Variants in AMD1 observed in about 807,000 individuals in gnomAD.
AMD1 encodes S-adenosylmethionine decarboxylase proenzyme.
A neutral mutation model predicts 40.2 loss-of-function variants in AMD1; 11 were observed. That is an observed-to-expected ratio of 0.27 (90% confidence interval 0.17 to 0.45). The LOEUF is 0.45. Ranked by LOEUF, AMD1 falls within the 20% of genes least tolerant of loss-of-function variation. The probability of loss-of-function intolerance (pLI) is 1.00; values close to 1 mark genes in which losing one functional copy is unlikely to be tolerated. For synonymous variants in AMD1, 121 were observed against 130.8 expected, an observed-to-expected ratio of 0.93 and a Z score of 0.51; for missense variants, 257 against 410.2, an observed-to-expected ratio of 0.63 and a Z score of 3.23.
the AMD1 span, among the ~76,000 whole-genome samples, chr6:110,853,712 C>T: frequency 6.6e-6 from 1 of 152,136 alleles, no homozygotes; most frequent in Non-Finnish European, 1.5e-5. Flanking sequence ...AAGTGCTCAG[C>T]TTACAGGTGT....
intron 3 of AMD1, 135 bp downstream of exon 3, chr6:110,889,118 C>G: frequency 1.0e-6 from 1 of 977,304 alleles, no homozygotes; most frequent in South Asian, 2.3e-5. Context: ...GGTGTTCATA[C>G]CTTAGGAAGA....
Position 110,895,453 on chromosome 6 carries a change from T to G in AMD1, c.*1837T>G, listed in dbSNP as rs1387711810. 1 of 73,636 alleles carries G rather than the reference T, an allele frequency of 1.4e-5. No homozygotes were observed. The highest frequency in any genetic ancestry group is 2.6e-5 in the Non-Finnish European group (1 of 38,966). 4.6% of individuals were successfully genotyped at this position (73,636 alleles called of 1,614,324 possible). On this transcript the variant is annotated 3_prime_UTR_variant, in exon 9 of 9. Transcript: ENST00000368885. ...CTTGAGGTCTGGTTTGGTTTTGTTT[T>G]TGTTTTGTTTTGTTTTGTTTTGTTT...
the AMD1 span, among the ~76,000 whole-genome samples, chr6:110,861,737 G>A: frequency 2.0e-5 from 3 of 151,708 alleles, no homozygotes; most frequent in African/African-American, 7.3e-5. Flanking sequence ...AGCTACTCAG[G>A]AGGCTGAGGC....
intron 1 of AMD1, among the ~76,000 whole-genome samples, chr6:110,882,981 G>A (rs925261494): frequency 1.3e-5 from 2 of 152,048 alleles, no homozygotes; most frequent in African/African-American, 2.4e-5. Flanking sequence ...ATATTAGTAA[G>A]GTGTAGTGAT....
chr6:110,814,623 A>G, the AMD1 span: 2 of 471,310 alleles, frequency 4.2e-6, no homozygotes, highest in East Asian at 1.3e-4. Context: ...GACCGTCACT[A>G]CCCAGGGCCG....
At chr6:110,891,698 C>CGG in intron 4 of AMD1, 2 of 172,878 alleles carry the variant, frequency 1.2e-5, no homozygotes, top group South Asian at 1.3e-4. Context: ...TCAGTCGATC[C>CGG]TGCTTATCTG....
chr6:110,870,487 G>A (rs1037128794), upstream of AMD1, among the ~76,000 whole-genome samples: 7 of 152,112 alleles, frequency 4.6e-5, no homozygotes, highest in African/African-American at 1.7e-4. Flanking sequence ...GCCAGGCATG[G>A]TGGCACTTGC....
the AMD1 span, among the ~76,000 whole-genome samples, chr6:110,866,907 C>T: frequency 1.5e-4 from 23 of 151,838 alleles, no homozygotes; most frequent in African/African-American, 3.1e-4. Flanking sequence ...TCCGCCTCCC[C>T]GGTTCAAGCT....
the AMD1 span, among the ~76,000 whole-genome samples, chr6:110,853,950 G>C: frequency 6.6e-6 from 1 of 152,136 alleles, no homozygotes; most frequent in Non-Finnish European, 1.5e-5. Context: ...ATGTCACTTA[G>C]CAACATTTCC....
chr6:110,866,969 G>A, the AMD1 span, among the ~76,000 whole-genome samples: 4 of 151,550 alleles, frequency 2.6e-5, no homozygotes, highest in Non-Finnish European at 4.4e-5. Flanking sequence ...GCCCAACATC[G>A]TGCCCAGCTA....
At chr6:110,892,098 A>G in intron 4 of AMD1, 63 bp from the exon 5 acceptor site, 2 of 1,538,400 alleles carry the variant, frequency 1.3e-6, no homozygotes, top group South Asian at 1.1e-5. Context: ...GTGGAAGGGT[A>G]GTAACAAACC....
the AMD1 span, among the ~76,000 whole-genome samples, chr6:110,857,057 G>A: frequency 2.6e-5 from 4 of 151,848 alleles, no homozygotes; most frequent in Admixed American, 6.6e-5. Context: ...CCAGCTACTC[G>A]GGAGGCTGAG....
chr6:110,822,724 T>C, the AMD1 span, among the ~76,000 whole-genome samples: 1 of 152,212 alleles, frequency 6.6e-6, no homozygotes. Flanking sequence ...ATCAAAAAGA[T>C]AATTCTCCAT....
chr6:110,874,908 T>G lies in AMD1; in HGVS notation c.-198T>G. 1.8e-6 allele frequency: 1 copy of G among 563,216 alleles called. No individual in the cohort carries two copies. The highest frequency in any genetic ancestry group is 3.1e-6 in the Non-Finnish European group (1 of 317,592). The allele number at this position is 563,216 out of a possible 1,614,324, so 34.9% of individuals were successfully genotyped here. On this transcript the variant is annotated 5_prime_UTR_variant, in exon 1 of 9. Coordinates refer to ENST00000368885, the MANE Select transcript of AMD1 (RefSeq NM_001634.6). ...TTTCCAAAAGACTCACGTTCAACTT[T>G]CGCTCACACAAAGCCGGGAAAATTT...
intron 4 of AMD1, chr6:110,891,626 C>G (rs1287053620): frequency 6.3e-6 from 1 of 158,862 alleles, no homozygotes; most frequent in East Asian, 1.8e-4. Flanking sequence ...AGCACATCTA[C>G]TAATATGAAA....
chr6:110,893,150 T>C lies in AMD1; in HGVS notation c.864+85T>C, dbSNP rs994554902. Reference sequence around the variant, plus strand: ...AGACAGTGAGGCCTAAGATGTATTCTGAGATAGCACATATACCAGCCACTC... The same window carrying C: ...AGACAGTGAGGCCTAAGATGTATTCCGAGATAGCACATATACCAGCCACTC... On this transcript the variant is annotated intron_variant, in intron 8 of 8. Coordinates refer to ENST00000368885, the MANE Select transcript of AMD1 (RefSeq NM_001634.6). 3 of 1,240,086 alleles carry C rather than the reference T, an allele frequency of 2.4e-6. No homozygotes were observed. The African/African-American group carries it at 4.6e-5, about 19-fold the overall frequency. The allele number at this position is 1,240,086 out of a possible 1,614,324, so 76.8% of individuals were successfully genotyped here. A position where few individuals can be genotyped will look rare whatever the true frequency, so the allele number is the denominator to read the frequency against.
At chr6:110,841,073 G>C in the AMD1 span, among the ~76,000 whole-genome samples, 1 of 152,120 alleles carries the variant, frequency 6.6e-6, no homozygotes, top group Non-Finnish European at 1.5e-5. Flanking sequence ...GAGTGCAATG[G>C]CACGATCTCA....
At chr6:110,875,464 G>A in intron 1 of AMD1, 1 of 427,640 alleles carries the variant, frequency 2.3e-6, no homozygotes, top group South Asian at 3.7e-5. Context: ...GAGGAGGCCG[G>A]CGCGGCCGCG....
the AMD1 span, chr6:110,814,680 C>A: frequency 1.9e-6 from 1 of 538,064 alleles, no homozygotes; most frequent in Non-Finnish European, 3.6e-6. Context: ...TGCGTTCCCC[C>A]AAGAGACTAG....
Sources: allele counts gnomAD v4.1 joint callset (sites outside exome capture counted in the v4.1 genomes callset), GRCh38; gene constraint gnomAD v4.1.1; transcripts MANE v1.5; gene names NCBI Gene and HGNC (gene_info 2026-07-23, HGNC 2026-07-21).